Variants in EHMT1 observed in about 807,000 individuals in gnomAD.
EHMT1 encodes the protein histone-lysine N-methyltransferase EHMT1.
A neutral mutation model predicts 147.2 loss-of-function variants in EHMT1; 15 were observed. The ratio of observed to expected loss-of-function variants is 0.10; its 90% CI spans 0.07 to 0.16. The LOEUF is 0.16. Among genes scored for constraint, EHMT1 ranks in the 10% least tolerant of loss-of-function variants. The pLI is 1.00. For missense variants in EHMT1, 1,587 were observed against 1,772.4 expected (o/e 0.90, Z 1.88); for synonymous variants, 795 against 709.6 (o/e 1.12, Z -1.91).
intron 3 of EHMT1, among the ~76,000 whole-genome samples, chr9:137,722,100 C>T (rs914891014): frequency 1.3e-5 from 2 of 152,150 alleles, no homozygotes; most frequent in African/African-American, 4.8e-5. Context: ...GATGGCGCCC[C>T]AGTCACAGTT....
At chr9:137,622,102 C>A (rs1198147233) in intron 1 of EHMT1, among the ~76,000 whole-genome samples, 1 of 147,096 alleles carries the variant, frequency 6.8e-6, no homozygotes. Context: ...TCTCCTAATG[C>A]TATCCCTCCC....
At chr9:137,790,709 G>A (rs1952460187) in intron 15 of EHMT1, 139 bp from the exon 16 acceptor site, 1 of 1,182,952 alleles carries the variant, frequency 8.5e-7, no homozygotes, top group Non-Finnish European at 1.3e-6. Context: ...TTGAATACGT[G>A]TTTAGAAAAC....
At position 137,754,160 on chromosome 9, in the gene EHMT1, T is replaced by C. The variant is rs561072157; in HGVS notation, c.1249-11T>C. ...TTAGTGGTTTATATGCCTGCCCGTT[T>C]GGTTCTCCAGAGTTCGGAATCCAGC... On this transcript the variant is annotated splice_polypyrimidine_tract_variant and intron_variant, in intron 7 of 26. Coordinates refer to ENST00000460843, the MANE Select transcript of EHMT1 (RefSeq NM_024757.5). 261 of 1,614,126 alleles carry C rather than the reference T, an allele frequency of 1.6e-4. 1 individual carries two copies. The highest frequency in any genetic ancestry group is 9.9e-4 in the Middle Eastern group (6 of 6,062).
rs149076135 is a variant in EHMT1, at chr9:137,684,713, G to C, written c.22-26254G>C. On this transcript the variant is annotated intron_variant, in intron 1 of 26. Coordinates refer to ENST00000460843, the MANE Select transcript of EHMT1 (RefSeq NM_024757.5). ...TTACCACTTTGCCCAGGCTGCTCTCGAACTCCTGAGCTCAGGCGATCTCCA... is the reference window on the plus strand; with the variant it reads ...TTACCACTTTGCCCAGGCTGCTCTCCAACTCCTGAGCTCAGGCGATCTCCA... Among the ~76,000 whole-genome samples, 5 of 151,990 alleles carry C rather than the reference G, an allele frequency of 3.3e-5. No homozygotes were observed. The East Asian group carries it at 9.7e-4, about 30-fold the overall frequency.
At chr9:137,622,201 C>G (rs867820578) in intron 1 of EHMT1, among the ~76,000 whole-genome samples, 1 of 149,392 alleles carries the variant, frequency 6.7e-6, no homozygotes, top group Non-Finnish European at 1.5e-5. Context: ...TCACTGCAGC[C>G]TCCGCCTCCC....
intron 1 of EHMT1, among the ~76,000 whole-genome samples, chr9:137,703,769 A>C (rs1013807096): frequency 6.6e-6 from 1 of 152,134 alleles, no homozygotes; most frequent in African/African-American, 2.4e-5. Context: ...TAACCTGTTC[A>C]AACTTCGGCC....
intron 1 of EHMT1, among the ~76,000 whole-genome samples, chr9:137,685,563 T>C: frequency 6.6e-6 from 1 of 152,218 alleles, no homozygotes; most frequent in Non-Finnish European, 1.5e-5. Context: ...CTGTTTTCAG[T>C]TCTTTGGGGT....
In EHMT1 at chr9:137,834,944, C is replaced by A; in HGVS notation, c.3888C>A (p.Asp1296Glu). 6.7e-7 allele frequency: 1 copy of A among 1,497,882 alleles called. No homozygotes were observed. Among genetic ancestry groups the A allele is most frequent in the Non-Finnish European group, 8.8e-7 (1 of 1,130,204 alleles). The allele number at this position is 1,497,882 out of a possible 1,614,324, so 92.8% of individuals were successfully genotyped here. A position where few individuals can be genotyped will look rare whatever the true frequency, so the allele number is the denominator to read the frequency against. ...LPDTSSAAAA[D>E]PL is the part of the protein sequence containing the mutation. ...ACACCAGCTCCGCGGCTGCCGCCGA[C>A]CCCCTATGAGACGCCGCCGGCCAGC... is the stretch of plus-strand genomic sequence containing the variant. The change falls in exon 27 of 27, where the codon GAC becomes GAA. Residue 1296 changes from aspartate to glutamate, a missense_variant. Physicochemically the swap from Asp to Glu is conservative, Grantham distance 45 (BLOSUM62 2). This residue lies in a region of EHMT1 where 141 missense variants were observed against 150.8 expected (regional missense o/e 0.94). Coordinates refer to ENST00000460843, the MANE Select transcript of EHMT1 (RefSeq NM_024757.5).
chr9:137,733,250 T>A (rs896872662), intron 4 of EHMT1, among the ~76,000 whole-genome samples: 1 of 152,268 alleles, frequency 6.6e-6, no homozygotes, highest in Non-Finnish European at 1.5e-5. Context: ...AGCATTGTTT[T>A]AGGTGAGCAT....
At chr9:137,682,001 A>G (rs1941992998) in intron 1 of EHMT1, among the ~76,000 whole-genome samples, 2 of 151,828 alleles carry the variant, frequency 1.3e-5, no homozygotes. Flanking sequence ...CCCAGGCTTG[A>G]GTGCAGTGGT....
At position 137,675,802 on chromosome 9, in the gene EHMT1, T is replaced by TTTTTTTTTTTTTTTTTTTTG. The variant is rs35541714; in HGVS notation, c.22-35165_22-35164insTTTTTTTTTTTTTTTTTTTG. On this transcript the variant is annotated intron_variant, in intron 1 of 26. Coordinates refer to ENST00000460843, the MANE Select transcript of EHMT1 (RefSeq NM_024757.5). ...TAATTTTTTTTTTTTTTTTTTTTTT[T>TTTTTTTTTTTTTTTTTTTTG]AGACGGAGTCTCGCTCTGTCGCCCA... is the stretch of plus-strand genomic sequence containing the variant. 2.9e-5 allele frequency among the ~76,000 whole-genome samples: 3 copies of TTTTTTTTTTTTTTTTTTTTG among 104,718 alleles called. 1 individual carries two copies. Among genetic ancestry groups the TTTTTTTTTTTTTTTTTTTTG allele is most frequent in the African/African-American group, 1.3e-4 (3 of 23,766 alleles). 68.7% of individuals were successfully genotyped at this position (104,718 alleles called of 152,430 possible).
At chr9:137,686,855 C>G (rs2501555) in intron 1 of EHMT1, among the ~76,000 whole-genome samples, 17,331 of 151,598 alleles carry the variant, frequency 0.11, 1,144 homozygotes, top group Middle Eastern at 0.21. Flanking sequence ...CTCAGCCTCC[C>G]GAGTAGCTGG....
intron 1 of EHMT1, among the ~76,000 whole-genome samples, chr9:137,637,207 C>T (rs1379811033): frequency 2.0e-5 from 3 of 147,214 alleles, no homozygotes; most frequent in Admixed American, 6.8e-5. Flanking sequence ...CAGAGTTTTA[C>T]TGTTGTTGCC....
chr9:137,632,301 G>A (rs1217871043), intron 1 of EHMT1, among the ~76,000 whole-genome samples: 2 of 152,208 alleles, frequency 1.3e-5, no homozygotes, highest in Admixed American at 6.5e-5. Flanking sequence ...TCGTTCCAGG[G>A]TTGGGGGAGG....
chr9:137,655,015 C>T (rs1179084152), intron 1 of EHMT1, among the ~76,000 whole-genome samples: 4 of 147,914 alleles, frequency 2.7e-5, no homozygotes, highest in Non-Finnish European at 4.5e-5. Context: ...TTTTTTTTTT[C>T]GAGATGGAGT....
At chr9:137,625,187 A>G (rs1252968307) in intron 1 of EHMT1, among the ~76,000 whole-genome samples, 1 of 152,002 alleles carries the variant, frequency 6.6e-6, no homozygotes, top group African/African-American at 2.4e-5. Flanking sequence ...GGCAAGGCCC[A>G]ATTTCATTCT....
At chr9:137,797,740 ACT>A (rs960017303) in intron 16 of EHMT1, among the ~76,000 whole-genome samples, 1 of 151,852 alleles carries the variant, frequency 6.6e-6, no homozygotes, top group African/African-American at 2.4e-5. Context: ...TGCCTGCGAA[ACT>A]CTATGACTGC....
rs188744147 is a variant in EHMT1 at position 137,757,182 on chromosome 9, G to A, written c.1370-698G>A. Reference sequence around the variant, plus strand: ...TGGGAAGTGTGGACAGGCTGGCCTGGCCACCACTCGTGTGTCCTTGAGGGC... The same window carrying A: ...TGGGAAGTGTGGACAGGCTGGCCTGACCACCACTCGTGTGTCCTTGAGGGC... On this transcript the variant is annotated intron_variant, in intron 8 of 26. Transcript: ENST00000460843. Among the ~76,000 whole-genome samples the A allele has an allele frequency of 1.4e-4, 22 of 152,288 alleles. No individual in the cohort carries two copies. The East Asian group carries it at 3.7e-3, about 25-fold the overall frequency.
At chr9:137,792,245 C>CTGTTAG in intron 16 of EHMT1, 1 of 363,970 alleles carries the variant, frequency 2.7e-6, no homozygotes, top group Non-Finnish European at 5.6e-6. Flanking sequence ...AAATAAAAAG[C>CTGTTAG]CCAGAAATAA....
Sources: gnomAD v4.1 joint callset for allele counts (sites outside exome capture counted in the v4.1 genomes callset) on GRCh38, gnomAD v4.1.1 for gene constraint, gnomAD v4.1.1 regional missense constraint, MANE v1.5 for transcripts, NCBI Gene and HGNC (gene_info 2026-07-23, HGNC 2026-07-21) for gene names.